Variants in PLXNA4 observed in about 807,000 individuals in gnomAD.
PLXNA4 encodes the protein plexin-A4.
A neutral mutation model predicts 191.8 loss-of-function variants in PLXNA4; 44 were observed. The ratio of observed to expected loss-of-function variants is 0.23; its 90% confidence interval spans 0.18 to 0.29. The LOEUF (loss-of-function observed/expected upper bound fraction) is 0.29. PLXNA4 is among the 10% of genes least tolerant of loss of function. The pLI, the probability that PLXNA4 is intolerant of heterozygous loss-of-function variation, is 1.00. For missense variants in PLXNA4, 1,800 were observed against 2,488.8 expected (o/e 0.72, Z 5.89); for synonymous variants, 1,082 against 1,009.5 (o/e 1.07, Z -1.36).
intron 4 of PLXNA4, among the ~76,000 whole-genome samples, chr7:132,260,501 C>T (rs1004947643): frequency 6.6e-6 from 1 of 151,900 alleles, no homozygotes; most frequent in Non-Finnish European, 1.5e-5. Flanking sequence ...ACAACAGACG[C>T]CAGGGAGTAC....
At chr7:132,513,921 C>G (rs946299603) in intron 1 of PLXNA4, among the ~76,000 whole-genome samples, 1 of 152,084 alleles carries the variant, frequency 6.6e-6, no homozygotes, top group African/African-American at 2.4e-5. Flanking sequence ...AGTGATCTGC[C>G]TGCCTCAGCC....
intron 4 of PLXNA4, chr7:132,266,278 G>C (rs901559101): frequency 2.0e-5 from 3 of 152,196 alleles, no homozygotes; most frequent in African/African-American, 7.2e-5. Flanking sequence ...CAGAGTCAAA[G>C]ACTGTGTGCA....
At chr7:132,607,991 C>G (rs1468912260) in intron 2 of PLXNA4, among the ~76,000 whole-genome samples, 10 of 151,434 alleles carry the variant, frequency 6.6e-5, no homozygotes, top group East Asian at 2.0e-4. Context: ...ATCCTCATCT[C>G]TATCACCATC....
At chr7:132,188,999 A>G (rs201406895) in intron 14 of PLXNA4, among the ~76,000 whole-genome samples, 28 of 28,322 alleles carry the variant, frequency 9.9e-4, no homozygotes, top group South Asian at 2.3e-3. Flanking sequence ...GAAAGGAGAG[A>G]GAGAGAGAGA....
At chr7:132,137,421 C>A (rs953563126) in intron 30 of PLXNA4, among the ~76,000 whole-genome samples, 4 of 151,710 alleles carry the variant, frequency 2.6e-5, no homozygotes, top group Admixed American at 2.6e-4. Flanking sequence ...TCAATCACTA[C>A]TAAAGTATGC....
chr7:132,356,345 A>G (rs760100092), intron 3 of PLXNA4, among the ~76,000 whole-genome samples: 1 of 152,232 alleles, frequency 6.6e-6, no homozygotes, highest in Non-Finnish European at 1.5e-5. Context: ...AAGCTTAATG[A>G]TACCAATTAT....
At chr7:132,484,791 G>A (rs1264529271) in intron 3 of PLXNA4, 1 of 1,613,210 alleles carries the variant, frequency 6.2e-7, no homozygotes, top group Non-Finnish European at 8.5e-7. Flanking sequence ...TTTAGTTAAA[G>A]TGGATTCAAA....
intron 3 of PLXNA4, among the ~76,000 whole-genome samples, chr7:132,368,741 C>T (rs1333653617): frequency 6.6e-6 from 1 of 152,220 alleles, no homozygotes; most frequent in Non-Finnish European, 1.5e-5. Flanking sequence ...CAGACGTCTG[C>T]TGAGGAGCTG....
chr7:132,314,526 C>T (rs1052987095), intron 3 of PLXNA4, among the ~76,000 whole-genome samples: 1 of 151,990 alleles, frequency 6.6e-6, no homozygotes, highest in African/African-American at 2.4e-5. Context: ...CCATCAGAGT[C>T]TGGAAAGGGA....
intron 10 of PLXNA4, among the ~76,000 whole-genome samples, chr7:132,210,518 T>C (rs1008481206): frequency 1.6e-4 from 25 of 152,334 alleles, no homozygotes; most frequent in African/African-American, 5.3e-4. Flanking sequence ...ACAGCCTCTA[T>C]GTAGGTGTGA....
At chr7:132,611,364 A>T (rs1585404148) in intron 2 of PLXNA4, among the ~76,000 whole-genome samples, 1 of 152,222 alleles carries the variant, frequency 6.6e-6, no homozygotes, top group Non-Finnish European at 1.5e-5. Context: ...TCTCCACTCC[A>T]CATCAAAACT....
chr7:132,384,332 T>C, intron 3 of PLXNA4: 1 of 985,462 alleles, frequency 1.0e-6, no homozygotes, highest in Non-Finnish European at 1.2e-6. Context: ...CACTCTTGAC[T>C]ACACTTTATT....
At position 132,226,744 on chromosome 7, in the gene PLXNA4, G is replaced by A. The variant is rs537647315; in HGVS notation, c.1883-484C>T. ...GGGGCTCAGGGCTCCACCGGGGCGGGAGACCCTGGAATCCTCATCTGGTGC... is the reference window on the plus strand; with the variant it reads ...GGGGCTCAGGGCTCCACCGGGGCGGAAGACCCTGGAATCCTCATCTGGTGC... On this transcript the variant is annotated intron_variant, in intron 7 of 31. Coordinates refer to ENST00000321063, the MANE Select transcript of PLXNA4 (RefSeq NM_020911.2). Among the ~76,000 whole-genome samples the A allele has an allele frequency of 2.0e-5, 3 of 152,330 alleles. No homozygotes were observed. In the East Asian group the frequency reaches 5.8e-4, roughly 29 times the overall value.
chr7:132,593,978 C>A (rs916439788), intron 2 of PLXNA4, among the ~76,000 whole-genome samples: 1 of 152,170 alleles, frequency 6.6e-6, no homozygotes, highest in African/African-American at 2.4e-5. Context: ...GGTGGTGAAC[C>A]AAGAGACCCA....
intron 1 of PLXNA4, among the ~76,000 whole-genome samples, chr7:132,555,838 G>T (rs568416653): frequency 6.6e-6 from 1 of 152,354 alleles, no homozygotes; most frequent in South Asian, 2.1e-4. Flanking sequence ...GCCTTTGAAA[G>T]CCTTGCATCA....
intron 3 of PLXNA4, among the ~76,000 whole-genome samples, chr7:132,450,904 T>C (rs556201678): frequency 6.6e-6 from 1 of 152,328 alleles, no homozygotes; most frequent in South Asian, 2.1e-4. Flanking sequence ...TCTTGTTTTA[T>C]GGCTCAAGGT....
chr7:132,472,452 A>G (rs1208369270), intron 3 of PLXNA4, among the ~76,000 whole-genome samples: 1 of 152,232 alleles, frequency 6.6e-6, no homozygotes, highest in African/African-American at 2.4e-5. Flanking sequence ...AATCTTTAGA[A>G]CAAGGAAACT....
intron 1 of PLXNA4, among the ~76,000 whole-genome samples, chr7:132,552,312 C>T (rs1036275606): frequency 3.3e-5 from 5 of 152,178 alleles, no homozygotes; most frequent in South Asian, 2.1e-4. Context: ...AACACACTTA[C>T]GAGAGTTGAT....
chr7:132,397,387 T>C (rs973478707), intron 3 of PLXNA4, among the ~76,000 whole-genome samples: 1 of 152,090 alleles, frequency 6.6e-6, no homozygotes, highest in Non-Finnish European at 1.5e-5. Flanking sequence ...TCTTTGATGA[T>C]AGTGAACCAG....
Sources: gnomAD v4.1 joint callset for allele counts (sites outside exome capture counted in the v4.1 genomes callset) on GRCh38, gnomAD v4.1.1 for gene constraint, MANE v1.5 for transcripts, NCBI Gene and HGNC (gene_info 2026-07-23, HGNC 2026-07-21) for gene names.